BABAM2: variants seen among roughly 807,000 people sequenced by gnomAD.
BABAM2 encodes the protein BRISC and BRCA1 A complex member 2, also known as BRISC and BRCA1-A complex member 2.
In BABAM2, 31 loss-of-function variants were observed where a neutral mutation model predicts 54.7. The ratio of observed to expected loss-of-function variants is 0.57; its 90% CI spans 0.43 to 0.77. The LOEUF (loss-of-function observed/expected upper bound fraction) is 0.77. BABAM2 is among the 30% of genes least tolerant of loss of function. BABAM2 has a pLI of 0.00. For missense variants in BABAM2, 364 were observed against 455.8 expected (o/e 0.80, Z 1.83); for synonymous variants, 167 against 162.9 (o/e 1.03, Z -0.19).
intron 10 of BABAM2, among the ~76,000 whole-genome samples, chr2:28,280,298 G>A (rs1021922121): frequency 4.0e-5 from 6 of 151,266 alleles, no homozygotes; most frequent in East Asian, 4.0e-4. Flanking sequence ...CTGGGCTCAA[G>A]CAATCCTGCT....
Position 28,234,519 on chromosome 2 carries a change from T to A in BABAM2, c.681-2683T>A, listed in dbSNP as rs76735912. On this transcript the variant is annotated intron_variant, in intron 7 of 11. Coordinates refer to ENST00000379624, the MANE Select transcript of BABAM2 (RefSeq NM_199191.3). ...TCCATGTATATAATTTAATGACTGA[T>A]TAAAGACTTCTCTTGTAATATTTTA... 7.6e-3 allele frequency among the ~76,000 whole-genome samples: 1,159 copies of A among 152,326 alleles called. 12 individuals are homozygous for A. The highest frequency in any genetic ancestry group is 0.013 in the Admixed American group (195 of 15,298).
chr2:27,988,244 G>A (rs1672539640), intron 4 of BABAM2, among the ~76,000 whole-genome samples, 157 bp downstream of exon 4: 1 of 152,092 alleles, frequency 6.6e-6, no homozygotes, highest in African/African-American at 2.4e-5. Context: ...CTCTTTATGT[G>A]CCATAGTAGT....
rs577784229 is a variant in BABAM2 at position 28,103,470 on chromosome 2, G to A, written c.571-25801G>A. On this transcript the variant is annotated intron_variant, in intron 6 of 11. Coordinates refer to ENST00000379624, the MANE Select transcript of BABAM2 (RefSeq NM_199191.3). ...ACTATAGACACATGCCACCATGCTC[G>A]GCTAATTTTTGTATTTTTTGTGGAG... Among the ~76,000 whole-genome samples the A allele has an allele frequency of 2.6e-5, 4 of 152,064 alleles. No individual in the cohort carries two copies. The South Asian group carries it at 8.3e-4, about 32-fold the overall frequency.
intron 10 of BABAM2, among the ~76,000 whole-genome samples, chr2:28,286,324 A>AT (rs922431925): frequency 4.3e-4 from 65 of 152,288 alleles, no homozygotes; most frequent in African/African-American, 1.4e-3. Context: ...TGGGGGCATT[A>AT]TAGGAAAGTG....
intron 6 of BABAM2, among the ~76,000 whole-genome samples, chr2:28,085,936 T>C (rs936765345): frequency 2.6e-5 from 4 of 152,188 alleles, no homozygotes; most frequent in African/African-American, 9.6e-5. Flanking sequence ...ATGTAATTAA[T>C]CTGACATTTT....
intron 5 of BABAM2, among the ~76,000 whole-genome samples, chr2:28,043,120 G>T (rs2148605823): frequency 6.6e-6 from 1 of 151,318 alleles, no homozygotes; most frequent in South Asian, 2.1e-4. Flanking sequence ...GTGGACAGTT[G>T]TTGGGAGCAT....
chr2:28,041,069 C>T (rs1364363444), intron 5 of BABAM2, among the ~76,000 whole-genome samples: 2 of 152,192 alleles, frequency 1.3e-5, no homozygotes, highest in East Asian at 3.8e-4. Context: ...AAATAACTAG[C>T]AGTTCAAATG....
chr2:27,905,559 G>A (rs72810578), intron 2 of BABAM2, among the ~76,000 whole-genome samples: 2,545 of 152,156 alleles, frequency 0.017, 30 homozygotes, highest in Middle Eastern at 0.054. Context: ...TGATATTATT[G>A]TATGTTGTTA....
Position 27,995,673 on chromosome 2 carries a change from G to A in BABAM2, c.300+7586G>A, listed in dbSNP as rs560484993. ...CGGCTCACTGCAAGCTCCGCCTCCC[G>A]GGTTCACGCCATTCTCCTGCCTCAG... is the stretch of plus-strand genomic sequence containing the variant. On this transcript the variant is annotated intron_variant, in intron 4 of 11. Transcript: ENST00000379624. This position sits in a 1 kb window ranked among gnomAD's most constrained non-coding sequence, Gnocchi z 4.1. Among the ~76,000 whole-genome samples, 37 of 152,138 alleles carry A rather than the reference G, an allele frequency of 2.4e-4. No homozygotes were observed. Among genetic ancestry groups the A allele is most frequent in the African/African-American group, 5.1e-4 (21 of 41,518 alleles).
At chr2:28,209,258 G>A (rs144266246) in intron 7 of BABAM2, among the ~76,000 whole-genome samples, 1 of 152,182 alleles carries the variant, frequency 6.6e-6, no homozygotes, top group Non-Finnish European at 1.5e-5. Flanking sequence ...CTTAGAGTGG[G>A]GTGGAGTGGG....
Position 28,014,787 on chromosome 2 carries a change from C to T in BABAM2, c.301-10439C>T, listed in dbSNP as rs137886284. 3.5e-3 allele frequency among the ~76,000 whole-genome samples: 529 copies of T among 151,568 alleles called. 1 individual carries two copies. The highest frequency in any genetic ancestry group is 0.012 in the African/African-American group (505 of 41,336). ...GAGTGAGGAGTTAACAAAAACTAAA[C>T]ATTGCAGCCTAAACAAAATTCATAC... On this transcript the variant is annotated intron_variant, in intron 4 of 11. Coordinates refer to ENST00000379624, the MANE Select transcript of BABAM2 (RefSeq NM_199191.3).
intron 7 of BABAM2, among the ~76,000 whole-genome samples, chr2:28,147,796 A>C (rs1007862479): frequency 1.3e-5 from 2 of 152,148 alleles, no homozygotes; most frequent in Admixed American, 6.5e-5. Flanking sequence ...TTATTTTAGT[A>C]ATAGGACACA....
At chr2:28,177,007 A>G (rs1573760001) in intron 7 of BABAM2, among the ~76,000 whole-genome samples, 1 of 152,178 alleles carries the variant, frequency 6.6e-6, no homozygotes, top group African/African-American at 2.4e-5. Context: ...AATAGCTGAA[A>G]TCTTTCTAAG....
intron 2 of BABAM2, among the ~76,000 whole-genome samples, chr2:27,900,024 G>A (rs1216674106): frequency 6.6e-6 from 1 of 152,126 alleles, no homozygotes; most frequent in African/African-American, 2.4e-5. Flanking sequence ...TCCATCAGCC[G>A]AAGTGTGAAT....
intron 11 of BABAM2, among the ~76,000 whole-genome samples, chr2:28,326,181 G>T (rs1246069581): frequency 6.6e-6 from 1 of 152,168 alleles, no homozygotes; most frequent in African/African-American, 2.4e-5. Flanking sequence ...CTGTGAGCTT[G>T]GTGGTGACTC....
chr2:28,125,872 T>C (rs899033582), intron 6 of BABAM2, among the ~76,000 whole-genome samples: 1 of 152,206 alleles, frequency 6.6e-6, no homozygotes, highest in African/African-American at 2.4e-5. Flanking sequence ...TGGAATATTA[T>C]GTGGCTATTT....
At chr2:27,890,275 C>T (rs1209648896), upstream of BABAM2, 6 of 1,613,634 alleles carry the variant, frequency 3.7e-6, no homozygotes, top group Non-Finnish European at 5.1e-6. This position sits in a 1 kb window ranked among gnomAD's most constrained non-coding sequence, Gnocchi z 4.8. Context: ...GTCGGTCATG[C>T]AGGAGCCCAC....
chr2:28,027,318 T>C (rs1675944948), intron 5 of BABAM2, among the ~76,000 whole-genome samples: 1 of 152,146 alleles, frequency 6.6e-6, no homozygotes, highest in Non-Finnish European at 1.5e-5. Context: ...CGTTTTGAGG[T>C]ATAATTTACA....
At chr2:28,203,529 G>T (rs528895085) in intron 7 of BABAM2, among the ~76,000 whole-genome samples, 1 of 152,128 alleles carries the variant, frequency 6.6e-6, no homozygotes, top group Admixed American at 6.6e-5. Context: ...CTTTGCTTTT[G>T]TTTTCATCTT....
Sources: gnomAD v4.1 joint callset for allele counts (sites outside exome capture counted in the v4.1 genomes callset) on GRCh38, gnomAD v4.1.1 for gene constraint, Gnocchi (gnomAD v3.1) non-coding constraint, MANE v1.5 for transcripts, NCBI Gene and HGNC (gene_info 2026-07-23, HGNC 2026-07-21) for gene names.